ITFG2: variants seen among roughly 807,000 people sequenced by gnomAD.
ITFG2 encodes integrin alpha FG-GAP repeat containing 2, also known as KICSTOR complex protein ITFG2.
Under a neutral mutation model 54.4 loss-of-function variants are expected in ITFG2, and 36 were observed. The observed-to-expected ratio is 0.66, with a 90% confidence interval of 0.51 to 0.87. ITFG2 has a LOEUF of 0.87. Ranked by LOEUF, ITFG2 falls within the 40% of genes least tolerant of loss-of-function variation. The pLI, the probability that ITFG2 is intolerant of heterozygous loss-of-function variation, is 0.00. For synonymous variants in ITFG2, 211 were observed against 225.4 expected, an observed-to-expected ratio of 0.94 and a Z score of 0.57; for missense variants, 524 against 576.7, an observed-to-expected ratio of 0.91 and a Z score of 0.94.
chr12:2,831,535 G>T (rs1018971222), downstream of ITFG2, among the ~76,000 whole-genome samples: 1 of 151,720 alleles, frequency 6.6e-6, no homozygotes, highest in Non-Finnish European at 1.5e-5. Flanking sequence ...AATGAGCCAA[G>T]ATCACACCAC....
At chr12:2,856,241 CTCTG>C (rs1238528536) in intron 2 of ITFG2, among the ~76,000 whole-genome samples, 1 of 152,142 alleles carries the variant, frequency 6.6e-6, no homozygotes, top group African/African-American at 2.4e-5. Flanking sequence ...GACTTAAGCC[CTCTG>C]TCTGTGCTCT....
intron 2 of ITFG2, chr12:2,854,879 A>C: frequency 6.6e-7 from 1 of 1,519,976 alleles, no homozygotes; most frequent in Non-Finnish European, 8.8e-7. Context: ...GGGCTCCCTG[A>C]GGAGGCACCG....
intron 9 of ITFG2, 51 bp from the exon 10 acceptor site, chr12:2,822,743 G>A (rs1489764895): frequency 6.7e-7 from 1 of 1,495,570 alleles, no homozygotes; most frequent in African/African-American, 1.4e-5. Context: ...TTGTCATCCA[G>A]AATCCAGTCC....
At chr12:2,849,533 G>A (rs140158922) in intron 2 of ITFG2, 27 of 1,536,010 alleles carry the variant, frequency 1.8e-5, no homozygotes, top group Middle Eastern at 3.3e-4. Flanking sequence ...TACCTGTTGG[G>A]AGAAGGGTAT....
intron 2 of ITFG2, chr12:2,830,099 AAAAG>A (rs946041898): frequency 3.9e-5 from 6 of 152,260 alleles, no homozygotes; most frequent in Admixed American, 6.5e-5. Flanking sequence ...TTTTTTTAAA[AAAAG>A]GACGTGAGTA....
At chr12:2,826,984 T>C (rs1281326202), downstream of ITFG2, 2 of 1,365,068 alleles carry the variant, frequency 1.5e-6, no homozygotes, top group East Asian at 6.0e-5. Context: ...AATCCTGGCA[T>C]CGTGGGCCCT....
upstream of ITFG2, chr12:2,835,230 A>G (rs2098023930): frequency 1.0e-6 from 1 of 979,648 alleles, no homozygotes; most frequent in Non-Finnish European, 1.2e-6. Flanking sequence ...ACAGTGCTGT[A>G]AACTGTCAGG....
downstream of ITFG2, chr12:2,825,176 C>T (rs894046368): frequency 2.0e-5 from 3 of 152,086 alleles, no homozygotes; most frequent in African/African-American, 4.8e-5. Flanking sequence ...AAGCTGTGGT[C>T]GAGGAGTTTG....
chr12:2,827,769 C>T, downstream of ITFG2: 1 of 1,609,128 alleles, frequency 6.2e-7, no homozygotes, highest in East Asian at 2.2e-5. This position sits in a 1 kb window ranked among gnomAD's most constrained non-coding sequence, Gnocchi z 4.0. Flanking sequence ...CTGCCCACCC[C>T]ATCCCCAGAT....
chr12:2,831,156 A>T (rs2098000535), downstream of ITFG2, among the ~76,000 whole-genome samples: 1 of 151,862 alleles, frequency 6.6e-6, no homozygotes, highest in Non-Finnish European at 1.5e-5. Context: ...AGGAATTAGT[A>T]TGCTTGGGGG....
chr12:2,856,991 G>A (rs1011902856), intron 2 of ITFG2: 38 of 702,916 alleles, frequency 5.4e-5, no homozygotes, highest in Non-Finnish European at 8.6e-5. Context: ...ATGGGTGACT[G>A]GGCCCTCTGA....
At chr12:2,858,457 G>A (rs1348195305) in intron 3 of ITFG2, 22 of 584,136 alleles carry the variant, frequency 3.8e-5, no homozygotes, top group East Asian at 3.1e-4. Flanking sequence ...ATACTCTTGG[G>A]GAACACAAGG....
rs1603483062 is a variant in ITFG2 at position 2,820,887 on chromosome 12, G to C, written c.695+15G>C. On this transcript the variant is annotated intron_variant, in intron 6 of 11. Coordinates refer to ENST00000228799, the MANE Select transcript of ITFG2 (RefSeq NM_018463.4). ...GATGGTAGTAGGTAAGGGGGTACAG[G>C]CCAGTGGATGGTGTGGGGGTGCATG... The C allele has an allele frequency of 1.7e-5, 27 of 1,613,458 alleles. No homozygotes were observed. Among genetic ancestry groups the C allele is most frequent in the Non-Finnish European group, 2.0e-5 (24 of 1,179,534 alleles).
At chr12:2,859,268 A>C (rs779761386) in intron 3 of ITFG2, 9 of 1,613,702 alleles carry the variant, frequency 5.6e-6, no homozygotes, top group Non-Finnish European at 7.6e-6. Context: ...GCTCATCCAC[A>C]CAGGGAGGCA....
chr12:2,840,455 CAA>C (rs34247255), intron 1 of ITFG2, among the ~76,000 whole-genome samples: 26 of 118,694 alleles, frequency 2.2e-4, no homozygotes, highest in Admixed American at 3.6e-4. Flanking sequence ...GACTCTGTCT[CAA>C]AAAAAAAAAA....
rs747570304 is a variant in ITFG2 at position 2,812,861 on chromosome 12, G to A, written c.96+5G>A. On this transcript the variant is annotated splice_donor_5th_base_variant and intron_variant, in intron 1 of 11. Coordinates refer to ENST00000228799, the MANE Select transcript of ITFG2 (RefSeq NM_018463.4). ...GGAGACGTTGATAACGATACGGTAG[G>A]TGCATGCGCACCGCAAGAGACAGCC... The A allele has an allele frequency of 8.1e-6, 13 of 1,604,064 alleles. No homozygotes were observed. The highest frequency in any genetic ancestry group is 1.1e-5 in the Non-Finnish European group (13 of 1,172,948).
At chr12:2,817,512 G>A in intron 2 of ITFG2, 194 bp downstream of exon 2, 4 of 579,060 alleles carry the variant, frequency 6.9e-6, no homozygotes, top group Admixed American at 3.0e-5. Flanking sequence ...CCTCACACAC[G>A]CGTGCGTGGG....
At chr12:2,821,157 A>G in intron 6 of ITFG2, 105 bp from the exon 7 acceptor site, 1 of 938,254 alleles carries the variant, frequency 1.1e-6, no homozygotes. Flanking sequence ...TAGGTTTCTA[A>G]GCTGATTCAA....
At position 2,824,192 on chromosome 12, in the gene ITFG2, A is replaced by T; in HGVS notation, c.1343A>T (p.Ter448LeuextTer8). 6.2e-7 allele frequency: 1 copy of T among 1,613,924 alleles called. No homozygotes were observed. Among genetic ancestry groups the T allele is most frequent in the East Asian group, 2.2e-5 (1 of 44,876 alleles). ...CAPSSLQDPT[*>L] ...CCCTCAAGCCTCCAGGATCCCACCT[A>T]GCTGTACTTGCCTCATAGCTGGTGA... Residue 448 changes from the stop codon to leucine, a stop_lost, in exon 12 of 12, where the codon TAG becomes TTG. Transcript: ENST00000228799.
Sources: allele counts gnomAD v4.1 joint callset (sites outside exome capture counted in the v4.1 genomes callset), GRCh38; gene constraint gnomAD v4.1.1; non-coding constraint Gnocchi (gnomAD v3.1); transcripts MANE v1.5; gene names NCBI Gene and HGNC (gene_info 2026-07-23, HGNC 2026-07-21).